Variants in AGGF1 observed in about 807,000 individuals in gnomAD.
The protein encoded by AGGF1 is angiogenic factor with G patch and FHA domains 1.
A neutral mutation model predicts 86.5 loss-of-function variants in AGGF1; 56 were observed. That is an observed-to-expected ratio of 0.65 (90% confidence interval 0.52 to 0.81). The LOEUF (loss-of-function observed/expected upper bound fraction) is 0.81, where lower values mean the gene tolerates loss of function less well. AGGF1 is among the 30% of genes least tolerant of loss of function. The pLI, the probability that AGGF1 is intolerant of heterozygous loss-of-function variation, is 0.00. For synonymous variants in AGGF1, 313 were observed against 297.1 expected, an observed-to-expected ratio of 1.05 and a Z score of -0.55; for missense variants, 816 against 850.9, an observed-to-expected ratio of 0.96 and a Z score of 0.51.
Position 77,061,782 on chromosome 5 carries a change from G to A in AGGF1, c.1924G>A (p.Gly642Ser). ...GAAAGGAGAGGGCCTGGGGAAGGAT[G>A]GTGGAGGAATGAAAACGCCGGTAAG... ...WKKGEGLGKD[G>S]GGMKTPIQLQ... The change falls in exon 13 of 14, where the codon GGT becomes AGT. Residue 642 changes from glycine (G) to serine (S), a missense_variant. Gly to Ser is a moderately conservative substitution (Grantham distance 56). Transcript: ENST00000312916. 1 of 1,613,496 alleles carries A rather than the reference G, an allele frequency of 6.2e-7. No individual in the cohort carries two copies. Among genetic ancestry groups the A allele is most frequent in the Non-Finnish European group, 8.5e-7 (1 of 1,179,572 alleles).
intron 3 of AGGF1, 49 bp from the exon 4 acceptor site, chr5:77,036,507 T>C (rs1746969696): frequency 6.2e-7 from 1 of 1,601,922 alleles, no homozygotes; most frequent in Non-Finnish European, 8.5e-7. Context: ...ACTTTTTAAT[T>C]GATATACAGA....
At chr5:77,057,857 T>C (rs1747487333) in intron 11 of AGGF1, among the ~76,000 whole-genome samples, 1 of 152,344 alleles carries the variant, frequency 6.6e-6, no homozygotes, top group East Asian at 1.9e-4. Context: ...TGGACTGTTT[T>C]AGCCAATCCC....
chr5:77,045,204 G>T (rs1193650795), intron 5 of AGGF1, among the ~76,000 whole-genome samples: 1 of 152,160 alleles, frequency 6.6e-6, no homozygotes, highest in Non-Finnish European at 1.5e-5. Flanking sequence ...GGAAAAAAAT[G>T]GAAAATAATT....
At chr5:77,040,289 T>G (rs1747049886) in intron 5 of AGGF1, among the ~76,000 whole-genome samples, 1 of 151,954 alleles carries the variant, frequency 6.6e-6, no homozygotes, top group Non-Finnish European at 1.5e-5. Context: ...TTTTGTAATC[T>G]TAGTAGAGAC....
intron 5 of AGGF1, among the ~76,000 whole-genome samples, chr5:77,045,243 G>A (rs1454572259): frequency 6.6e-6 from 1 of 152,196 alleles, no homozygotes; most frequent in East Asian, 1.9e-4. Flanking sequence ...TGAAATGATA[G>A]ATTTGACCAT....
rs767343841 is a variant in AGGF1, at chr5:77,048,176, G to C, written c.1217G>C (p.Trp406Ser). 1.2e-6 allele frequency: 2 copies of C among 1,611,684 alleles called. No homozygotes were observed. Among genetic ancestry groups the C allele is most frequent in the Non-Finnish European group, 1.7e-6 (2 of 1,178,288 alleles). ...DSEDEDEDKI[W>S]PPCIRVIVIR... ...TCCTTGGCAGATGAAGACAAAATTT[G>C]GCCCCCATGTATTAGAGTAATTGTC... The change falls in exon 7 of 14, where the codon TGG (tryptophan) becomes TCG (serine). Residue 406 changes from tryptophan (W) to serine (S), a missense_variant. Trp to Ser is a radical substitution (Grantham distance 177, BLOSUM62 -3). This residue lies in a region of AGGF1 where 565 missense variants were observed against 585.8 expected (regional missense o/e 0.96). Coordinates refer to ENST00000312916, the MANE Select transcript of AGGF1 (RefSeq NM_018046.5).
chr5:77,039,281 C>T (rs1467193176), intron 4 of AGGF1, among the ~76,000 whole-genome samples: 1 of 152,038 alleles, frequency 6.6e-6, no homozygotes, highest in African/African-American at 2.4e-5. Context: ...CAAGTATTGA[C>T]AATTTTATAT....
chr5:77,041,667 A>T (rs571199798), intron 5 of AGGF1, among the ~76,000 whole-genome samples: 1 of 151,784 alleles, frequency 6.6e-6, no homozygotes, highest in South Asian at 2.1e-4. Flanking sequence ...CCTTGCCTGA[A>T]AAACTAGAGA....
intron 8 of AGGF1, among the ~76,000 whole-genome samples, chr5:77,051,287 G>A (rs1254241183): frequency 2.0e-5 from 3 of 152,022 alleles, no homozygotes; most frequent in Non-Finnish European, 4.4e-5. Flanking sequence ...CAAAAAATTA[G>A]CCAGGTGTGG....
chr5:77,033,512 A>G (rs1746909963), intron 1 of AGGF1, among the ~76,000 whole-genome samples: 1 of 152,178 alleles, frequency 6.6e-6, no homozygotes, highest in African/African-American at 2.4e-5. Flanking sequence ...TAGGGCGAGG[A>G]ATTTAATGGG....
chr5:77,048,333 G>C, intron 7 of AGGF1, 61 bp downstream of exon 7: 2 of 1,335,664 alleles, frequency 1.5e-6, no homozygotes, highest in Non-Finnish European at 2.1e-6. Flanking sequence ...TTTATTAAGA[G>C]CATGTATTTT....
At chr5:77,031,304 G>C (rs1160465787) in intron 1 of AGGF1, among the ~76,000 whole-genome samples, 2 of 152,170 alleles carry the variant, frequency 1.3e-5, no homozygotes, top group African/African-American at 4.8e-5. Flanking sequence ...TAAAATGCTG[G>C]ACTTGAGTCA....
Position 77,061,728 on chromosome 5 carries a change from C to T in AGGF1, c.1870C>T (p.Arg624Trp), listed in dbSNP as rs148706003. 31 of 1,608,382 alleles carry T rather than the reference C, an allele frequency of 1.9e-5. No individual in the cohort carries two copies. Among genetic ancestry groups the T allele is most frequent in the South Asian group, 8.8e-5 (8 of 90,974 alleles). The change falls in exon 13 of 14, where the codon CGG (arginine) becomes TGG (tryptophan). Residue 624 changes from arginine to tryptophan, a missense_variant. Coordinates refer to ENST00000312916, the MANE Select transcript of AGGF1 (RefSeq NM_018046.5). Reference sequence around the variant, plus strand: ...TGAAATTACTGATAGCAACAAAGGTCGGAAGATGTTGGAGAAGATGGGTTG... The same window carrying T: ...TGAAATTACTGATAGCAACAAAGGTTGGAAGATGTTGGAGAAGATGGGTTG... ...HSEITDSNKG[R>W]KMLEKMGWKK...
intron 5 of AGGF1, among the ~76,000 whole-genome samples, chr5:77,040,330 G>A (rs938394811): frequency 6.6e-6 from 1 of 150,536 alleles, no homozygotes; most frequent in East Asian, 1.9e-4. Context: ...GGCTCGTCTC[G>A]AACTCCTGAC....
chr5:77,057,921 A>G (rs1020680609), intron 11 of AGGF1, among the ~76,000 whole-genome samples: 5 of 152,212 alleles, frequency 3.3e-5, no homozygotes, highest in Non-Finnish European at 7.3e-5. Context: ...GTTGAGAACT[A>G]CAAACAAGAA....
intron 4 of AGGF1, among the ~76,000 whole-genome samples, chr5:77,037,688 G>A (rs751454744): frequency 6.6e-6 from 1 of 152,080 alleles, no homozygotes; most frequent in African/African-American, 2.4e-5. Flanking sequence ...ATGTGGGAGC[G>A]TCGCTTGAGC....
chr5:77,059,579 C>G, intron 11 of AGGF1, 37 bp from the exon 12 acceptor site: 1 of 1,571,038 alleles, frequency 6.4e-7, no homozygotes, highest in Non-Finnish European at 8.7e-7. Flanking sequence ...TATTTATCAG[C>G]TTTCTTTTCC....
intron 12 of AGGF1, among the ~76,000 whole-genome samples, 186 bp from the exon 13 acceptor site, chr5:77,061,517 T>C (rs1747564212): frequency 6.6e-6 from 1 of 152,256 alleles, no homozygotes; most frequent in African/African-American, 2.4e-5. Context: ...TGTGTTTTGG[T>C]GCACATGCAC....
At chr5:77,055,246 T>A (rs1303425108) in intron 10 of AGGF1, among the ~76,000 whole-genome samples, 1 of 152,174 alleles carries the variant, frequency 6.6e-6, no homozygotes, top group Non-Finnish European at 1.5e-5. Context: ...ATAATCATAT[T>A]GAAAAATCGA....
Sources: gnomAD v4.1 joint callset for allele counts (sites outside exome capture counted in the v4.1 genomes callset) on GRCh38, gnomAD v4.1.1 for gene constraint, gnomAD v4.1.1 regional missense constraint, MANE v1.5 for transcripts, NCBI Gene and HGNC (gene_info 2026-07-23, HGNC 2026-07-21) for gene names.